Variants in TMEM272 observed in about 807,000 individuals in gnomAD.
TMEM272 encodes transmembrane protein 272.
In TMEM272, 8 loss-of-function variants were observed where a neutral mutation model predicts 3.7. That is an observed-to-expected ratio of 2.17 (90% CI 1.27 to 3.91). TMEM272 has a LOEUF of 3.91. TMEM272 is among the 30% of genes most tolerant of loss of function. The probability of loss-of-function intolerance (pLI) is 0.00; values close to 1 mark genes in which losing one functional copy is unlikely to be tolerated. For synonymous variants in TMEM272, 63 were observed against 39.8 expected (o/e 1.58, Z -2.20); for missense variants, 166 against 91.5 (o/e 1.81, Z -3.32).
chr13:51,932,979 G>C, the TMEM272 span: 2 of 152,080 alleles, frequency 1.3e-5, no homozygotes, highest in Non-Finnish European at 2.9e-5. Flanking sequence ...GGAGTGGGGG[G>C]GCTGAAAACA....
the TMEM272 span, among the ~76,000 whole-genome samples, chr13:51,883,764 T>C: frequency 6.6e-6 from 1 of 152,220 alleles, no homozygotes; most frequent in Non-Finnish European, 1.5e-5. Flanking sequence ...ATTTGTCTCC[T>C]GTTGCTACTG....
the TMEM272 span, among the ~76,000 whole-genome samples, chr13:51,893,678 C>A: frequency 2.6e-5 from 4 of 152,044 alleles, no homozygotes; most frequent in African/African-American, 9.7e-5. Flanking sequence ...GCTGAAGACT[C>A]GATCACCAGG....
chr13:51,909,532 A>G, the TMEM272 span: 390 of 1,060,188 alleles, frequency 3.7e-4, no homozygotes, highest in African/African-American at 3.6e-3. Context: ...TTCCGACTGC[A>G]AAGATGCTTG....
At chr13:51,852,703 C>T in the TMEM272 span, among the ~76,000 whole-genome samples, 1 of 152,036 alleles carries the variant, frequency 6.6e-6, no homozygotes. Flanking sequence ...CATGGTGTAA[C>T]CCCGTCTCTA....
At chr13:51,850,597 G>A in the TMEM272 span, among the ~76,000 whole-genome samples, 1 of 151,948 alleles carries the variant, frequency 6.6e-6, no homozygotes. Flanking sequence ...TCTCAGGTGG[G>A]GATAGGGGGT....
intron 3 of TMEM272, among the ~76,000 whole-genome samples, chr13:51,825,879 G>A (rs77839759): frequency 2.2e-4 from 33 of 152,140 alleles, no homozygotes; most frequent in Admixed American, 8.5e-4. Flanking sequence ...TAACTGCTGG[G>A]ATTACAGGCG....
At chr13:51,911,631 T>C in the TMEM272 span, among the ~76,000 whole-genome samples, 1 of 152,198 alleles carries the variant, frequency 6.6e-6, no homozygotes, top group African/African-American at 2.4e-5. Context: ...ATAAATATTT[T>C]TGCTTAATTG....
At chr13:51,914,988 G>A in the TMEM272 span, among the ~76,000 whole-genome samples, 1 of 152,078 alleles carries the variant, frequency 6.6e-6, no homozygotes, top group East Asian at 1.9e-4. Flanking sequence ...AAGAAAAGAA[G>A]GATATAAAAT....
the TMEM272 span, among the ~76,000 whole-genome samples, chr13:51,861,784 TCAAGAC>T: frequency 6.6e-6 from 1 of 152,190 alleles, no homozygotes; most frequent in South Asian, 2.1e-4. Context: ...AGAATAAACC[TCAAGAC>T]CAAGACACAT....
chr13:51,833,814 ATC>A (rs1272282852), intron 2 of TMEM272, among the ~76,000 whole-genome samples: 3 of 152,184 alleles, frequency 2.0e-5, no homozygotes, highest in Non-Finnish European at 4.4e-5. Flanking sequence ...TGATGTTGCC[ATC>A]TCTTTCTCTG....
chr13:51,927,655 G>A, the TMEM272 span, among the ~76,000 whole-genome samples: 4 of 152,084 alleles, frequency 2.6e-5, no homozygotes, highest in South Asian at 2.1e-4. Flanking sequence ...TTACACTCAC[G>A]TCCTCAATCC....
At chr13:51,882,927 A>C in the TMEM272 span, among the ~76,000 whole-genome samples, 2 of 152,206 alleles carry the variant, frequency 1.3e-5, no homozygotes, top group Non-Finnish European at 2.9e-5. Context: ...CACTCCACCC[A>C]GCAGGCTGCA....
chr13:51,896,658 G>A, the TMEM272 span, among the ~76,000 whole-genome samples: 1 of 152,138 alleles, frequency 6.6e-6, no homozygotes, highest in Non-Finnish European at 1.5e-5. Context: ...CTTCCCATGA[G>A]GCACCCCTGC....
At chr13:51,898,892 T>C in the TMEM272 span, among the ~76,000 whole-genome samples, 670 of 152,198 alleles carry the variant, frequency 4.4e-3, 7 homozygotes, top group African/African-American at 0.016. Context: ...CTGCCTGTCA[T>C]TCCTCCTCAC....
the TMEM272 span, among the ~76,000 whole-genome samples, chr13:51,880,690 C>T: frequency 1.3e-5 from 2 of 152,178 alleles, no homozygotes; most frequent in African/African-American, 2.4e-5. Context: ...TTCTTCAAGA[C>T]TATTTTTTTC....
chr13:51,823,316 T>C (rs1026028426), intron 3 of TMEM272, among the ~76,000 whole-genome samples: 4 of 152,238 alleles, frequency 2.6e-5, no homozygotes, highest in Non-Finnish European at 4.4e-5. Flanking sequence ...TGGGCTCAAG[T>C]GATCCTCCTG....
upstream of TMEM272, among the ~76,000 whole-genome samples, chr13:51,847,135 A>G (rs957866481): frequency 1.3e-5 from 2 of 152,210 alleles, no homozygotes; most frequent in African/African-American, 2.4e-5. Context: ...AGATACACAA[A>G]TACTTACCAC....
the TMEM272 span, among the ~76,000 whole-genome samples, chr13:51,888,391 C>A: frequency 3.9e-5 from 6 of 152,216 alleles, no homozygotes; most frequent in African/African-American, 1.4e-4. Context: ...TTCAGGGATC[C>A]CACCTCTGTA....
At chr13:51,887,818 G>A in the TMEM272 span, among the ~76,000 whole-genome samples, 1 of 152,274 alleles carries the variant, frequency 6.6e-6, no homozygotes, top group Non-Finnish European at 1.5e-5. Context: ...GCCCACTGGG[G>A]AACAAGGGGC....
Sources: allele counts gnomAD v4.1 joint callset (sites outside exome capture counted in the v4.1 genomes callset), GRCh38; gene constraint gnomAD v4.1.1; transcripts MANE v1.5; gene names NCBI Gene and HGNC (gene_info 2026-07-23, HGNC 2026-07-21).